PDE10A: variants seen among roughly 807,000 people sequenced by gnomAD.
PDE10A encodes the protein phosphodiesterase 10A.
A neutral mutation model predicts 97.7 loss-of-function variants in PDE10A; 39 were observed. The ratio of observed to expected loss-of-function variants is 0.40; its 90% CI spans 0.31 to 0.52. PDE10A has a LOEUF of 0.52. PDE10A is among the 20% of genes least tolerant of loss of function. The pLI, the probability that PDE10A is intolerant of heterozygous loss-of-function variation, is 0.56. For synonymous variants in PDE10A, 371 were observed against 376.8 expected, an observed-to-expected ratio of 0.98 and a Z score of 0.18; for missense variants, 731 against 1,047.8, an observed-to-expected ratio of 0.70 and a Z score of 4.17.
At chr6:165,441,273 T>C (rs1332615752) in intron 5 of PDE10A, among the ~76,000 whole-genome samples, 1 of 152,228 alleles carries the variant, frequency 6.6e-6, no homozygotes, top group East Asian at 1.9e-4. Context: ...TGAGCTCCTC[T>C]CTGTTAGCAC....
chr6:165,855,715 C>A (rs1780712806), intron 1 of PDE10A, among the ~76,000 whole-genome samples: 3 of 151,890 alleles, frequency 2.0e-5, no homozygotes, highest in African/African-American at 4.8e-5. Flanking sequence ...ATGAACACAC[C>A]TAAAACTTTC....
At chr6:165,499,735 C>T (rs974404142) in intron 2 of PDE10A, among the ~76,000 whole-genome samples, 1 of 152,078 alleles carries the variant, frequency 6.6e-6, no homozygotes, top group Admixed American at 6.5e-5. Flanking sequence ...CATTTTTGCT[C>T]ATGAATGATT....
At chr6:165,831,619 G>A (rs999116811) in intron 1 of PDE10A, among the ~76,000 whole-genome samples, 29 of 151,170 alleles carry the variant, frequency 1.9e-4, no homozygotes, top group African/African-American at 6.3e-4. Context: ...CTGGGACTAC[G>A]GACTACAGGC....
At chr6:165,988,036 G>A (rs1288382894), upstream of PDE10A, 1 of 442,146 alleles carries the variant, frequency 2.3e-6, no homozygotes, top group African/African-American at 2.0e-5. Context: ...GTGCTCTCAG[G>A]AACGACTCTC....
chr6:165,334,277 C>A (rs1781506065), intron 21 of PDE10A, among the ~76,000 whole-genome samples: 1 of 152,326 alleles, frequency 6.6e-6, no homozygotes, highest in African/African-American at 2.4e-5. Context: ...CTCCATAGCG[C>A]CCTACAGCGC....
chr6:165,730,181 A>G (rs1386775884), intron 1 of PDE10A, among the ~76,000 whole-genome samples: 2 of 151,874 alleles, frequency 1.3e-5, no homozygotes, highest in African/African-American at 4.8e-5. Context: ...AAAGCCACTG[A>G]AAACAGAGGA....
At chr6:165,644,116 C>A (rs754398123) in intron 1 of PDE10A, among the ~76,000 whole-genome samples, 19 of 152,112 alleles carry the variant, frequency 1.2e-4, no homozygotes, top group Admixed American at 2.6e-4. Flanking sequence ...AGTGCAGTGG[C>A]GTGATCTTGG....
At position 165,571,560 on chromosome 6, in the gene PDE10A, T is replaced by C. The variant is rs74646988; in HGVS notation, c.866-27992A>G. On this transcript the variant is annotated intron_variant, in intron 1 of 21. Transcript: ENST00000539869. ...AGTTCCTAAGACAGTTTTCTTCACA[T>C]TTTGTTCTTGAAGAGATAGTTCTCT... 3.5e-3 allele frequency among the ~76,000 whole-genome samples: 529 copies of C among 152,320 alleles called. 4 individuals carry two copies. Among genetic ancestry groups the C allele is most frequent in the African/African-American group, 0.012 (508 of 41,560 alleles).
At chr6:165,908,640 G>C (rs976590469) in intron 1 of PDE10A, among the ~76,000 whole-genome samples, 2 of 152,218 alleles carry the variant, frequency 1.3e-5, no homozygotes, top group Non-Finnish European at 2.9e-5. Flanking sequence ...TGTCAGAGGA[G>C]TGGGCACTCC....
intron 1 of PDE10A, among the ~76,000 whole-genome samples, chr6:165,930,765 T>C (rs903904185): frequency 6.6e-6 from 1 of 152,182 alleles, no homozygotes; most frequent in Admixed American, 6.5e-5. Flanking sequence ...CCTGAGCACT[T>C]TAATTGCCCA....
chr6:165,800,515 G>A (rs1022642386), intron 1 of PDE10A, among the ~76,000 whole-genome samples: 6 of 152,164 alleles, frequency 3.9e-5, no homozygotes, highest in Non-Finnish European at 7.3e-5. Flanking sequence ...CACAGGAAAT[G>A]CCATCCAGTG....
At chr6:165,338,969 A>G (rs541194685) in intron 20 of PDE10A, among the ~76,000 whole-genome samples, 1 of 152,326 alleles carries the variant, frequency 6.6e-6, no homozygotes, top group Non-Finnish European at 1.5e-5. Flanking sequence ...GAACAAAATC[A>G]GTGGTTAGAG....
chr6:165,824,324 A>G (rs1469677969), intron 1 of PDE10A, among the ~76,000 whole-genome samples: 1 of 152,266 alleles, frequency 6.6e-6, no homozygotes, highest in Admixed American at 6.5e-5. Context: ...AAATTCAACA[A>G]AAAGTTCAAT....
intron 1 of PDE10A, among the ~76,000 whole-genome samples, chr6:165,865,096 G>A (rs980276396): frequency 2.0e-5 from 3 of 152,018 alleles, no homozygotes; most frequent in Admixed American, 1.3e-4. Flanking sequence ...AAAAATTGAC[G>A]CACCTGGCAT....
At chr6:165,859,569 C>G (rs1243212747) in intron 1 of PDE10A, among the ~76,000 whole-genome samples, 1 of 152,210 alleles carries the variant, frequency 6.6e-6, no homozygotes, top group Non-Finnish European at 1.5e-5. Context: ...TGGTGCTTCC[C>G]TGCCCTCTCT....
intron 1 of PDE10A, among the ~76,000 whole-genome samples, chr6:165,826,635 G>A (rs1050749471): frequency 3.3e-5 from 5 of 152,116 alleles, no homozygotes; most frequent in Non-Finnish European, 7.4e-5. Flanking sequence ...TAGGGGTGGT[G>A]CGGGGGAGGC....
At chr6:165,600,037 T>C (rs1786845115) in intron 1 of PDE10A, among the ~76,000 whole-genome samples, 1 of 152,176 alleles carries the variant, frequency 6.6e-6, no homozygotes, top group African/African-American at 2.4e-5. Flanking sequence ...CCGGGGCCAC[T>C]GACATCACAG....
chr6:165,440,148 C>T (rs375034068), intron 5 of PDE10A, among the ~76,000 whole-genome samples: 22 of 152,208 alleles, frequency 1.4e-4, no homozygotes, highest in Non-Finnish European at 1.8e-4. Flanking sequence ...TCTATGTAGA[C>T]GGCCGTAAGT....
rs538085267 is a variant in PDE10A, at chr6:165,904,235, G to C, written c.-615+83294C>G. Among the ~76,000 whole-genome samples the C allele has an allele frequency of 2.6e-5, 4 of 152,246 alleles. No homozygotes were observed. In the East Asian group the frequency reaches 7.7e-4, roughly 29 times the overall value. ...GACAAAGTCTTTGAGAAGAGAGAGGGGACGGAATCCGAAGCAGCAGTGGAG... is the reference window on the plus strand; with the variant it reads ...GACAAAGTCTTTGAGAAGAGAGAGGCGACGGAATCCGAAGCAGCAGTGGAG... On this transcript the variant is annotated intron_variant, in intron 1 of 19. Transcript: ENST00000366882.
Sources: gnomAD v4.1 joint callset for allele counts (sites outside exome capture counted in the v4.1 genomes callset) on GRCh38, gnomAD v4.1.1 for gene constraint, MANE v1.5 for transcripts, NCBI Gene and HGNC (gene_info 2026-07-23, HGNC 2026-07-21) for gene names.